DOCK1: variants seen among roughly 807,000 people sequenced by gnomAD.
DOCK1 encodes the protein dedicator of cytokinesis protein 1.
DOCK1 carries 138 observed loss-of-function variants against 262.7 expected under a neutral mutation model. The observed-to-expected ratio is 0.53, with a 90% CI of 0.46 to 0.61. DOCK1 has a LOEUF of 0.61. Among genes scored for constraint, DOCK1 ranks in the 20% least tolerant of loss-of-function variants. DOCK1 has a pLI of 0.00. For synonymous variants in DOCK1, 866 were observed against 867.4 expected (o/e 1.00, Z 0.03); for missense variants, 1,908 against 2,370.7 (o/e 0.80, Z 4.05).
chr10:127,421,601 T>C (rs2068514384), intron 46 of DOCK1, among the ~76,000 whole-genome samples: 1 of 152,110 alleles, frequency 6.6e-6, no homozygotes, highest in African/African-American at 2.4e-5. Flanking sequence ...AATCTCCAAC[T>C]CTCTACCCAT....
chr10:127,257,105 A>G (rs922428886), intron 28 of DOCK1, among the ~76,000 whole-genome samples: 3 of 152,236 alleles, frequency 2.0e-5, no homozygotes, highest in Non-Finnish European at 4.4e-5. Context: ...AGACATGCTC[A>G]GGGACTGTTT....
chr10:127,034,513 GGGGCTCAACTT>G (rs1291956811), intron 18 of DOCK1, among the ~76,000 whole-genome samples: 1 of 152,108 alleles, frequency 6.6e-6, no homozygotes, highest in Non-Finnish European at 1.5e-5. Flanking sequence ...TCAGCAGTGC[GGGGCTCAACTT>G]GGGACTTGGT....
chr10:126,965,242 G>A (rs2037575171), intron 1 of DOCK1, among the ~76,000 whole-genome samples: 2 of 152,150 alleles, frequency 1.3e-5, no homozygotes, highest in Admixed American at 6.5e-5. Context: ...GGAATTAAAG[G>A]CAGGCCTTGT....
chr10:127,345,469 G>C (rs931111822), intron 31 of DOCK1, among the ~76,000 whole-genome samples: 1 of 152,104 alleles, frequency 6.6e-6, no homozygotes, highest in African/African-American at 2.4e-5. Flanking sequence ...TAGAACCTTC[G>C]AGCTTTTGGT....
intron 2 of DOCK1, among the ~76,000 whole-genome samples, chr10:126,973,815 TTTCTTTTTCTTTCC>T (rs1251593497): frequency 6.6e-6 from 1 of 152,186 alleles, no homozygotes; most frequent in East Asian, 1.9e-4. Flanking sequence ...AGTCTGGCAT[TTTCTTTTTCTTTCC>T]TTGGCTCTCC....
intron 23 of DOCK1, among the ~76,000 whole-genome samples, chr10:127,094,627 GT>G: frequency 6.6e-6 from 1 of 152,262 alleles, no homozygotes; most frequent in Non-Finnish European, 1.5e-5. Context: ...ATTTTGCCTC[GT>G]TCCTGCATCT....
chr10:127,040,191 G>T (rs1417478514), intron 19 of DOCK1, among the ~76,000 whole-genome samples: 1 of 152,206 alleles, frequency 6.6e-6, no homozygotes, highest in Non-Finnish European at 1.5e-5. Context: ...ATCAAGTTTT[G>T]ACCTTCGCAA....
chr10:127,451,502 CT>C lies in DOCK1; in HGVS notation c.*76del. On this transcript the variant is annotated 3_prime_UTR_variant, in exon 52 of 52. Coordinates refer to ENST00000623213, the MANE Select transcript of DOCK1 (RefSeq NM_001290223.2). Reference sequence around the variant, plus strand: ...CCCTCTCCTTCTGTGTCCCCTGAGTCTGCTGTTTACCTCATTGGGCCTGTGA... The same window carrying C: ...CCCTCTCCTTCTGTGTCCCCTGAGTCGCTGTTTACCTCATTGGGCCTGTGA... 2 of 1,544,438 alleles carry C rather than the reference CT, an allele frequency of 1.3e-6. No individual in the cohort carries two copies. The highest frequency in any genetic ancestry group is 1.7e-6 in the Non-Finnish European group (2 of 1,145,550).
chr10:127,023,969 C>T (rs561330355), intron 14 of DOCK1, among the ~76,000 whole-genome samples: 3 of 152,334 alleles, frequency 2.0e-5, no homozygotes, highest in African/African-American at 4.8e-5. Flanking sequence ...GCTCTGACCT[C>T]GTGCTCTACC....
intron 19 of DOCK1, among the ~76,000 whole-genome samples, chr10:127,039,125 C>T (rs570992280): frequency 1.3e-5 from 2 of 152,318 alleles, no homozygotes; most frequent in East Asian, 1.9e-4. Flanking sequence ...AATTTGGTCG[C>T]ACCAGTTTCC....
At position 127,010,779 on chromosome 10, in the gene DOCK1, A is replaced by G. The variant is rs191380622; in HGVS notation, c.1059-1453A>G. ...TAAAATACACCTTTGTAAAATTATA[A>G]TATTAAATTGCCTCATTCTCTCATG... On this transcript the variant is annotated intron_variant, in intron 11 of 51. Coordinates refer to ENST00000623213, the MANE Select transcript of DOCK1 (RefSeq NM_001290223.2). Among the ~76,000 whole-genome samples, 4 of 152,318 alleles carry G rather than the reference A, an allele frequency of 2.6e-5. No individual in the cohort carries two copies. In the East Asian group the frequency reaches 5.8e-4, roughly 22 times the overall value.
Position 127,313,899 on chromosome 10 carries a change from G to A in DOCK1, c.3045-25107G>A, listed in dbSNP as rs143508298. On this transcript the variant is annotated intron_variant, in intron 29 of 51. Coordinates refer to ENST00000623213, the MANE Select transcript of DOCK1 (RefSeq NM_001290223.2). Reference sequence around the variant, plus strand: ...CAGCTTGCTCGTATTTGTTTGATCCGGGCCTGTGTGTGTTACATTTTTATA... The same window carrying A: ...CAGCTTGCTCGTATTTGTTTGATCCAGGCCTGTGTGTGTTACATTTTTATA... Among the ~76,000 whole-genome samples the A allele has an allele frequency of 3.3e-5, 5 of 152,144 alleles. No homozygotes were observed. The East Asian group carries it at 5.8e-4, about 18-fold the overall frequency.
intron 27 of DOCK1, among the ~76,000 whole-genome samples, chr10:127,159,317 C>G (rs553579162): frequency 2.0e-5 from 3 of 152,134 alleles, no homozygotes; most frequent in Admixed American, 6.5e-5. Context: ...AGGGCTACCT[C>G]TCTGTAATGG....
intron 1 of DOCK1, among the ~76,000 whole-genome samples, chr10:126,968,157 A>G (rs938759448): frequency 1.3e-5 from 2 of 152,124 alleles, no homozygotes; most frequent in African/African-American, 4.8e-5. Flanking sequence ...TCACCCTCGC[A>G]GTGCCCCTGT....
Position 127,418,632 on chromosome 10 carries a change from CT to C in DOCK1, c.4692+92del, listed in dbSNP as rs530406060. 4.8e-5 allele frequency: 70 copies of C among 1,450,734 alleles called. No individual in the cohort carries two copies. In the African/African-American group the frequency reaches 8.8e-4, roughly 18 times the overall value. The allele number at this position is 1,450,734 out of a possible 1,614,324, so 89.9% of individuals were successfully genotyped here. ...GAGTCCCCAAAGCCCAGAAACGCCCCTGGTCTCATTGAGCAATCTCAGCAGT... is the reference window on the plus strand; with the variant it reads ...GAGTCCCCAAAGCCCAGAAACGCCCCGGTCTCATTGAGCAATCTCAGCAGT... On this transcript the variant is annotated intron_variant, in intron 45 of 51. Transcript: ENST00000623213.
intron 27 of DOCK1, chr10:127,153,778 C>A: frequency 8.6e-7 from 1 of 1,165,506 alleles, no homozygotes; most frequent in African/African-American, 1.5e-5. Flanking sequence ...GGCCCCAGAT[C>A]GTTCTTGCAT....
At chr10:127,174,729 A>G (rs1417076323) in intron 27 of DOCK1, among the ~76,000 whole-genome samples, 1 of 152,144 alleles carries the variant, frequency 6.6e-6, no homozygotes, top group Non-Finnish European at 1.5e-5. Context: ...CTGAATACCA[A>G]TATTATTTCA....
chr10:127,002,750 C>G (rs2040684293), intron 10 of DOCK1, among the ~76,000 whole-genome samples: 3 of 152,170 alleles, frequency 2.0e-5, no homozygotes, highest in African/African-American at 7.2e-5. Flanking sequence ...TGTGTGGCCT[C>G]CAGGGACTTC....
chr10:127,103,000 T>C (rs1358445433), intron 23 of DOCK1, among the ~76,000 whole-genome samples: 1 of 152,180 alleles, frequency 6.6e-6, no homozygotes, highest in Admixed American at 6.5e-5. Flanking sequence ...ATGCTCTCCA[T>C]TTCTGTAGTT....
Sources: gnomAD v4.1 joint callset for allele counts (sites outside exome capture counted in the v4.1 genomes callset) on GRCh38, gnomAD v4.1.1 for gene constraint, MANE v1.5 for transcripts, NCBI Gene and HGNC (gene_info 2026-07-23, HGNC 2026-07-21) for gene names.